CA13: variants seen among roughly 807,000 people sequenced by gnomAD.
CA13 encodes CA-XIII.
Under a neutral mutation model 31.5 loss-of-function variants are expected in CA13, and 21 were observed. That is an observed-to-expected ratio of 0.67 (90% CI 0.47 to 0.96). CA13 has a LOEUF of 0.96. CA13 is among the 40% of genes least tolerant of loss of function. CA13 has a pLI of 0.00. For missense variants in CA13, 315 were observed against 318.9 expected (o/e 0.99, Z 0.09); for synonymous variants, 117 against 111.4 (o/e 1.05, Z -0.32).
chr8:85,281,568 A>G lies in CA13; in HGVS notation c.*219A>G. On this transcript the variant is annotated 3_prime_UTR_variant, in exon 7 of 7. Transcript: ENST00000321764. ...CACTCTGTCACCCAGGCTGGAGGGCAGTGGTACAGTCTTGGCTAATTGCAG... is the reference window on the plus strand; with the variant it reads ...CACTCTGTCACCCAGGCTGGAGGGCGGTGGTACAGTCTTGGCTAATTGCAG... 8.5e-7 allele frequency: 1 copy of G among 1,173,190 alleles called. No individual in the cohort carries two copies. The highest frequency in any genetic ancestry group is 1.1e-6 in the Non-Finnish European group (1 of 921,074). The allele number at this position is 1,173,190 out of a possible 1,614,324, so 72.7% of individuals were successfully genotyped here.
Position 85,245,862 on chromosome 8 carries a change from A to G in CA13, c.34A>G (p.Asn12Asp). Residue 12 changes from asparagine (N) to aspartate (D), a missense_variant, in exon 1 of 7, where the codon AAC (asparagine) becomes GAC (aspartate). Asn to Asp is a conservative substitution (Grantham distance 23). Transcript: ENST00000321764. The stretch of plus-strand genomic sequence containing the variant: ...GCTCAGCTGGGGATACCGCGAGCAC[A>G]ACGGTGAGCGCCTTTTCCTGATCCA... ...SRLSWGYREHNGPIHWKEFFP... is the reference protein window; with the variant it reads ...SRLSWGYREHDGPIHWKEFFP... 1 of 1,614,082 alleles carries G rather than the reference A, an allele frequency of 6.2e-7. No individual in the cohort carries two copies. Among genetic ancestry groups the G allele is most frequent in the Non-Finnish European group, 8.5e-7 (1 of 1,180,002 alleles).
rs542870483 is a variant in CA13 at position 85,281,155 on chromosome 8, C to T, written c.670-75C>T. The T allele has an allele frequency of 3.5e-5, 53 of 1,524,858 alleles. 2 individuals carry two copies. The South Asian group carries it at 6.3e-4, about 18-fold the overall frequency. 94.5% of individuals were successfully genotyped at this position (1,524,858 alleles called of 1,614,324 possible). ...TTTTTGTTCCTGGTTATAGATATAT[C>T]TTCTTTATGCAGGGTAATTCATTAA... On this transcript the variant is annotated intron_variant, in intron 6 of 6. Transcript: ENST00000321764.
chr8:85,276,344 C>G (rs1487467898), intron 6 of CA13, among the ~76,000 whole-genome samples: 2 of 152,206 alleles, frequency 1.3e-5, no homozygotes, highest in East Asian at 1.9e-4. Flanking sequence ...CGAGCTTCCC[C>G]AAACGATCGC....
intron 2 of CA13, among the ~76,000 whole-genome samples, chr8:85,254,289 A>AAT (rs916780862): frequency 1.3e-5 from 2 of 151,650 alleles, no homozygotes; most frequent in African/African-American, 4.8e-5. Flanking sequence ...AAAAAAAAAA[A>AAT]AAGTAAAGCT....
intron 6 of CA13, among the ~76,000 whole-genome samples, chr8:85,275,628 T>C (rs565751517): frequency 6.6e-6 from 1 of 152,334 alleles, no homozygotes; most frequent in Admixed American, 6.5e-5. Flanking sequence ...CTATAATCTG[T>C]TCTCTCTTTG....
chr8:85,281,310 G>A lies in CA13; in HGVS notation c.750G>A (p.Gln250=). The part of the protein sequence containing the change: ...AFLVSNHRPP[Q]PLKGRKVRAS... ...TGGTGAGCAATCACCGCCCACCACA[G>A]CCTCTAAAGGGCCGCAAAGTGAGAG... Residue 250 remains glutamine, a synonymous_variant, in exon 7 of 7, where the codon CAG becomes CAA. Transcript: ENST00000321764. 6.2e-7 allele frequency: 1 copy of A among 1,613,998 alleles called. No individual in the cohort carries two copies. The highest frequency in any genetic ancestry group is 8.5e-7 in the Non-Finnish European group (1 of 1,179,938).
chr8:85,259,391 G>A (rs376411039), intron 2 of CA13, 30 bp from the exon 3 acceptor site: 42 of 1,558,632 alleles, frequency 2.7e-5, no homozygotes, highest in Admixed American at 6.7e-5. Context: ...TTTTTTCCTT[G>A]CTAACAATAT....
intron 6 of CA13, among the ~76,000 whole-genome samples, chr8:85,280,314 T>C (rs1807682342): frequency 6.6e-6 from 1 of 152,096 alleles, no homozygotes; most frequent in Non-Finnish European, 1.5e-5. Context: ...AAATATCACA[T>C]GTGGAAAACA....
chr8:85,261,743 ATGTT>A (rs1342329762), intron 3 of CA13, among the ~76,000 whole-genome samples: 3 of 152,092 alleles, frequency 2.0e-5, no homozygotes, highest in Non-Finnish European at 4.4e-5. Flanking sequence ...ATATATATAT[ATGTT>A]TGTTTGTTTT....
At chr8:85,277,402 A>G (rs1377301452) in intron 6 of CA13, among the ~76,000 whole-genome samples, 1 of 152,034 alleles carries the variant, frequency 6.6e-6, no homozygotes, top group Non-Finnish European at 1.5e-5. Context: ...CAGCGAGACC[A>G]TGAACCCACC....
chr8:85,266,813 T>C, intron 4 of CA13, 110 bp downstream of exon 4: 1 of 723,372 alleles, frequency 1.4e-6, no homozygotes, highest in South Asian at 2.0e-5. Flanking sequence ...ATTTTAGGTG[T>C]AGCAGTTTCC....
rs531622063 is a variant in CA13, at chr8:85,248,272, A to G, written c.37+2407A>G. 3.9e-5 allele frequency among the ~76,000 whole-genome samples: 6 copies of G among 152,186 alleles called. No individual in the cohort carries two copies. The South Asian group carries it at 1.2e-3, about 32-fold the overall frequency. ...CGGGAGTTCAAGACCAGACTGACCAACATGGAGAAATCTCGTTTCTACTAA... is the reference window on the plus strand; with the variant it reads ...CGGGAGTTCAAGACCAGACTGACCAGCATGGAGAAATCTCGTTTCTACTAA... On this transcript the variant is annotated intron_variant, in intron 1 of 6. Transcript: ENST00000321764.
chr8:85,276,792 G>T (rs1196712379), intron 6 of CA13, among the ~76,000 whole-genome samples: 4 of 145,960 alleles, frequency 2.7e-5, no homozygotes, highest in Admixed American at 1.4e-4. Context: ...GAATGCACCA[G>T]TCGACACTCT....
intron 4 of CA13, 125 bp from the exon 5 acceptor site, chr8:85,267,777 A>C: frequency 1.8e-6 from 1 of 542,032 alleles, no homozygotes; most frequent in Non-Finnish European, 3.3e-6. Context: ...TTGTAGAACA[A>C]TCACTGTATG....
chr8:85,268,397 C>A, intron 5 of CA13, 75 bp from the exon 6 acceptor site: 1 of 1,239,336 alleles, frequency 8.1e-7, no homozygotes, highest in Non-Finnish European at 1.2e-6. Flanking sequence ...AATGGAAGTA[C>A]ATGGATGTAT....
At chr8:85,280,450 T>A (rs1807686583) in intron 6 of CA13, among the ~76,000 whole-genome samples, 1 of 152,204 alleles carries the variant, frequency 6.6e-6, no homozygotes, top group Non-Finnish European at 1.5e-5. Flanking sequence ...ACAAGAAACA[T>A]TTTAGGCATC....
intron 2 of CA13, 53 bp from the exon 3 acceptor site, chr8:85,259,368 G>A: frequency 2.1e-6 from 3 of 1,433,722 alleles, no homozygotes; most frequent in Non-Finnish European, 2.0e-6. Flanking sequence ...GGTTTGAGCA[G>A]CTTATGTAAA....
intron 1 of CA13, among the ~76,000 whole-genome samples, chr8:85,250,307 C>A (rs1253830115): frequency 6.6e-6 from 1 of 152,174 alleles, no homozygotes; most frequent in Non-Finnish European, 1.5e-5. Flanking sequence ...AAGAATGACA[C>A]CCTTTCTTTG....
In CA13 at chr8:85,245,490, TTCCTC is replaced by T. The variant is rs1321069902; in HGVS notation, c.-335_-331del. ...TCCTGGAAGTCCTCTAGGCAACACT[TTCCTC>T]TCCCGAGTGACGACTCCTCAGAAGG... On this transcript the variant is annotated 5_prime_UTR_variant, in exon 1 of 7. Coordinates refer to ENST00000321764, the MANE Select transcript of CA13 (RefSeq NM_198584.3). 12 of 316,970 alleles carry T rather than the reference TTCCTC, an allele frequency of 3.8e-5. No individual in the cohort carries two copies. Among genetic ancestry groups the T allele is most frequent in the African/African-American group, 2.0e-4 (9 of 44,630 alleles). The allele number at this position is 316,970 out of a possible 1,614,324, so 19.6% of individuals were successfully genotyped here. A position where few individuals can be genotyped will look rare whatever the true frequency, so the allele number is the denominator to read the frequency against.
Sources: allele counts gnomAD v4.1 joint callset (sites outside exome capture counted in the v4.1 genomes callset), GRCh38; gene constraint gnomAD v4.1.1; transcripts MANE v1.5; gene names NCBI Gene and HGNC (gene_info 2026-07-23, HGNC 2026-07-21).